The following FMR1NB variants were observed in gnomAD, a reference collection of about 807,000 sequenced individuals.
The protein encoded by FMR1NB is FMR1 neighbor, also known as FMR1 neighbor protein.
FMR1NB carries 10 observed loss-of-function variants against 16.8 expected under a neutral mutation model. The ratio of observed to expected loss-of-function variants is 0.60; its 90% CI spans 0.37 to 1.01. The LOEUF is 1.01. Among genes scored for constraint, FMR1NB ranks in the 50% least tolerant of loss-of-function variants. The probability of loss-of-function intolerance (pLI) is 0.01; values close to 1 mark genes in which losing one functional copy is unlikely to be tolerated. For synonymous variants in FMR1NB, 83 were observed against 79.1 expected (o/e 1.05, Z -0.26); for missense variants, 205 against 204.8 (o/e 1.00, Z 0.00).
intron 1 of FMR1NB, among the ~76,000 whole-genome samples, chrX:147,996,323 A>T (rs1557188151): frequency 8.9e-6 from 1 of 111,864 alleles, no homozygotes; most frequent in Non-Finnish European, 1.9e-5. Flanking sequence ...CTTCAAAATA[A>T]ATATCACCAT....
intron 4 of FMR1NB, among the ~76,000 whole-genome samples, chrX:148,020,853 G>A (rs1217268368): frequency 1.8e-5 from 2 of 112,146 alleles, no homozygotes; most frequent in Non-Finnish European, 3.8e-5. Flanking sequence ...GCAGCCTGGA[G>A]TTAGGGGAGG....
At chrX:147,997,713 A>T (rs1478764712) in intron 1 of FMR1NB, among the ~76,000 whole-genome samples, 1 of 111,984 alleles carries the variant, frequency 8.9e-6, no homozygotes, top group African/African-American at 3.3e-5. Context: ...TATCCATCTG[A>T]CAAAAGGCTA....
chrX:148,011,561 T>TA (rs34348142), intron 4 of FMR1NB, among the ~76,000 whole-genome samples: 1,129 of 111,202 alleles, frequency 0.01, 15 homozygotes, highest in African/African-American at 0.036. Context: ...ACGAAAATAA[T>TA]TAAGGACTAA....
intron 1 of FMR1NB, among the ~76,000 whole-genome samples, chrX:147,989,639 C>T (rs1458142657): frequency 1.8e-5 from 2 of 112,047 alleles, no homozygotes; most frequent in East Asian, 5.6e-4. Flanking sequence ...TCCTCGGGTG[C>T]TCTGTCCCAG....
At position 147,981,509 on chromosome X, in the gene FMR1NB, C is replaced by G; in HGVS notation, c.107C>G (p.Ser36Trp). 8.3e-7 allele frequency: 1 copy of G among 1,211,694 alleles called. No homozygotes were observed. The change falls in exon 1 of 6, where the codon TCG becomes TGG. Residue 36 changes from serine to tryptophan, a missense_variant. Physicochemically the swap from Ser to Trp is radical, Grantham distance 177 (BLOSUM62 -3). Coordinates refer to ENST00000370467, the MANE Select transcript of FMR1NB (RefSeq NM_152578.3). Reference protein sequence around the residue: ...LATYELAATESNPESSHPGYE... With the variant: ...LATYELAATEWNPESSHPGYE... ...ACTTATGAGTTGGCGGCAACTGAGT[C>G]GAATCCCGAGAGCAGCCATCCTGGA...
rs367659954 is a variant in FMR1NB, at chrX:147,999,594, C to G, written c.278-3607C>G. ...AGAGACTGGCTCCCATTTAAAGTAG[C>G]CCCCCTCCTTTATTCTGTATCAGTA... On this transcript the variant is annotated intron_variant, in intron 1 of 5. Coordinates refer to ENST00000370467, the MANE Select transcript of FMR1NB (RefSeq NM_152578.3). 9.9e-5 allele frequency among the ~76,000 whole-genome samples: 11 copies of G among 110,915 alleles called. No individual in the cohort carries two copies. The East Asian group carries it at 2.6e-3, about 26-fold the overall frequency.
At chrX:148,006,079 G>A (rs2044594690) in intron 2 of FMR1NB, among the ~76,000 whole-genome samples, 1 of 110,504 alleles carries the variant, frequency 9.0e-6, no homozygotes, top group Non-Finnish European at 1.9e-5. Context: ...GAGCTTGCAG[G>A]TCTTTTAGAT....
chrX:147,991,803 C>T lies in FMR1NB; in HGVS notation c.277+10124C>T, dbSNP rs781965524. Among the ~76,000 whole-genome samples the T allele has an allele frequency of 2.3e-4, 25 of 108,031 alleles. No homozygotes were observed. In the South Asian group the frequency reaches 4.5e-3, roughly 19 times the overall value. The allele number at this position is 108,031 out of a possible 115,157, so 93.8% of individuals were successfully genotyped here. On this transcript the variant is annotated intron_variant, in intron 1 of 5. Coordinates refer to ENST00000370467, the MANE Select transcript of FMR1NB (RefSeq NM_152578.3). The stretch of plus-strand genomic sequence containing the variant: ...TGGTTTTCCTAGGCAGAGGACCCTG[C>T]GGCCTTCAGCAGTGTTTGTGTCCCT...
chrX:148,002,840 T>G (rs996312544), intron 1 of FMR1NB, among the ~76,000 whole-genome samples: 5 of 112,072 alleles, frequency 4.5e-5, no homozygotes, highest in Non-Finnish European at 9.4e-5. Flanking sequence ...GCCAACATAT[T>G]TTCCAAGACT....
intron 1 of FMR1NB, among the ~76,000 whole-genome samples, chrX:147,993,395 G>GGGCAGAGGGAGA (rs1557187929): frequency 5.6e-5 from 6 of 107,816 alleles, no homozygotes; most frequent in African/African-American, 2.1e-4. Flanking sequence ...GGGAGACCGT[G>GGGCAGAGGGAGA]GGGAGAGGGA....
chrX:147,999,671 G>A (rs2044561311), intron 1 of FMR1NB, among the ~76,000 whole-genome samples: 1 of 111,045 alleles, frequency 9.0e-6, no homozygotes, highest in South Asian at 3.8e-4. Context: ...TAATTTGTTA[G>A]TGGTCTGTCT....
chrX:147,999,533 C>CCTT (rs1557188489), intron 1 of FMR1NB, among the ~76,000 whole-genome samples: 1,572 of 104,775 alleles, frequency 0.015, 31 homozygotes, highest in African/African-American at 0.051. Context: ...TACTTCTAGT[C>CCTT]TTTTTTTTTT....
chrX:147,984,454 A>G (rs1007709680), intron 1 of FMR1NB, among the ~76,000 whole-genome samples: 1 of 111,891 alleles, frequency 8.9e-6, no homozygotes, highest in African/African-American at 3.3e-5. Context: ...TTATTTTTAG[A>G]TATTTTATTC....
intron 1 of FMR1NB, among the ~76,000 whole-genome samples, chrX:148,001,373 AG>A (rs2044569655): frequency 8.9e-6 from 1 of 112,245 alleles, no homozygotes; most frequent in African/African-American, 3.2e-5. Context: ...CATAAAATTT[AG>A]AATTTTTTTT....
chrX:147,994,092 C>G (rs1022924630), intron 1 of FMR1NB, among the ~76,000 whole-genome samples: 1 of 111,485 alleles, frequency 9.0e-6, no homozygotes, highest in African/African-American at 3.3e-5. Flanking sequence ...GCACAAAGGC[C>G]TTAGATTTCC....
Position 147,981,522 on chromosome X carries a change from C to T in FMR1NB, c.120C>T (p.Ser40=), listed in dbSNP as rs782469224. 1.7e-6 allele frequency: 2 copies of T among 1,212,076 alleles called. No homozygotes were observed. The highest frequency in any genetic ancestry group is 2.2e-5 in the Admixed American group (1 of 46,135). Residue 40 remains serine, a synonymous_variant, in exon 1 of 6, where the codon AGC becomes AGT. Transcript: ENST00000370467. Reference sequence around the variant, plus strand: ...CGGCAACTGAGTCGAATCCCGAGAGCAGCCATCCTGGATACGAGGCCGCCA... The same window carrying T: ...CGGCAACTGAGTCGAATCCCGAGAGTAGCCATCCTGGATACGAGGCCGCCA... ...ELAATESNPE[S]SHPGYEAAMA... is the part of the protein sequence containing the mutation.
intron 4 of FMR1NB, among the ~76,000 whole-genome samples, chrX:148,024,383 C>T (rs192485147): frequency 9.0e-6 from 1 of 111,717 alleles, no homozygotes; most frequent in East Asian, 2.8e-4. Flanking sequence ...CAACTGTCCA[C>T]ACAAATACAA....
intron 1 of FMR1NB, among the ~76,000 whole-genome samples, chrX:147,994,460 A>C (rs1008063903): frequency 9.8e-5 from 11 of 112,816 alleles, no homozygotes. Context: ...TACAAATCAT[A>C]ATATTACTAC....
intron 1 of FMR1NB, among the ~76,000 whole-genome samples, chrX:148,001,304 C>G (rs1305827095): frequency 8.9e-6 from 1 of 111,813 alleles, no homozygotes; most frequent in Non-Finnish European, 1.9e-5. Flanking sequence ...TCATGCCTAG[C>G]ACGTGGGACA....
Sources: gnomAD v4.1 joint callset for allele counts (sites outside exome capture counted in the v4.1 genomes callset) on GRCh38, gnomAD v4.1.1 for gene constraint, MANE v1.5 for transcripts, NCBI Gene and HGNC (gene_info 2026-07-23, HGNC 2026-07-21) for gene names.